SNX13: variants seen among roughly 807,000 people sequenced by gnomAD.
SNX13 encodes the protein sorting nexin-13.
A neutral mutation model predicts 133.6 loss-of-function variants in SNX13; 45 were observed. The observed-to-expected ratio is 0.34, with a 90% confidence interval of 0.27 to 0.43. The LOEUF is 0.43. Among genes scored for constraint, SNX13 ranks in the 20% least tolerant of loss-of-function variants. SNX13 has a pLI of 1.00. For missense variants in SNX13, 1,032 were observed against 1,145.1 expected (o/e 0.90, Z 1.43); for synonymous variants, 414 against 373.9 (o/e 1.11, Z -1.24).
chr7:17,857,028 A>G (rs1319420986), intron 9 of SNX13, among the ~76,000 whole-genome samples: 3 of 152,070 alleles, frequency 2.0e-5, no homozygotes, highest in African/African-American at 4.8e-5. Flanking sequence ...GCACCAAAAA[A>G]AATACAATCA....
At position 17,868,455 on chromosome 7, in the gene SNX13, T is replaced by C; in HGVS notation, c.789A>G (p.Ile263Met). Reference sequence around the variant, plus strand: ...TATAATCAGGATCACTGAGTTGATTTATTAATGGAAGAAGAATTCCTCGTG... The same window carrying C: ...TATAATCAGGATCACTGAGTTGATTCATTAATGGAAGAAGAATTCCTCGTG... The part of the protein sequence containing the change: ...ILARGILLPL[I>M]NQLSDPDYIN... The change falls in exon 9 of 26, where the codon ATA (isoleucine) becomes ATG (methionine). Residue 263 changes from isoleucine (I) to methionine (M), a missense_variant. Ile to Met is a conservative substitution (Grantham distance 10). Coordinates refer to ENST00000428135, the MANE Select transcript of SNX13 (RefSeq NM_015132.5). 1 of 1,610,288 alleles carries C rather than the reference T, an allele frequency of 6.2e-7. No homozygotes were observed. Among genetic ancestry groups the C allele is most frequent in the South Asian group, 1.1e-5 (1 of 90,396 alleles).
At chr7:17,934,003 T>C (rs1350040600) in intron 1 of SNX13, among the ~76,000 whole-genome samples, 2 of 152,198 alleles carry the variant, frequency 1.3e-5, no homozygotes, top group East Asian at 3.9e-4. Flanking sequence ...AAATAAGTGA[T>C]AAAGTTGAGA....
intron 8 of SNX13, among the ~76,000 whole-genome samples, chr7:17,872,173 G>A (rs114892985): frequency 6.6e-6 from 1 of 152,306 alleles, no homozygotes; most frequent in African/African-American, 2.4e-5. Context: ...TAACGGATGA[G>A]CAAGAAAAAG....
intron 20 of SNX13, among the ~76,000 whole-genome samples, chr7:17,805,630 C>G (rs549028976): frequency 1.8e-4 from 27 of 152,296 alleles, no homozygotes; most frequent in African/African-American, 6.5e-4. Context: ...ATTTATACAT[C>G]TTACACTTCA....
rs1050950867 is a variant in SNX13 at position 17,850,922 on chromosome 7, T to C, written c.880A>G (p.Ile294Val). Residue 294 changes from isoleucine (I) to valine (V), a missense_variant, in exon 10 of 26, where the codon ATT becomes GTT. Physicochemically the swap from Ile to Val is conservative, Grantham distance 29. Coordinates refer to ENST00000428135, the MANE Select transcript of SNX13 (RefSeq NM_015132.5). ...TCTCCAATATTGTCACTCAATTTAA[T>C]AATGTTCATAAAGGCCTCATAGTTG... ...NCNYEAFMNI[I>V]KLSDNIGELE... 1.2e-6 allele frequency: 2 copies of C among 1,609,002 alleles called. No homozygotes were observed. The highest frequency in any genetic ancestry group is 2.7e-5 in the African/African-American group (2 of 74,596).
At chr7:17,824,342 G>T (rs1787634417) in intron 17 of SNX13, among the ~76,000 whole-genome samples, 1 of 152,072 alleles carries the variant, frequency 6.6e-6, no homozygotes, top group East Asian at 1.9e-4. Context: ...TCTTTCAGTA[G>T]CACTGGACTA....
At chr7:17,910,524 C>T (rs1798847801) in intron 1 of SNX13, among the ~76,000 whole-genome samples, 1 of 152,090 alleles carries the variant, frequency 6.6e-6, no homozygotes, top group Admixed American at 6.5e-5. Context: ...AAAAATTGAA[C>T]ACAGAATTAT....
At chr7:17,870,804 A>G (rs575199203) in intron 8 of SNX13, among the ~76,000 whole-genome samples, 6 of 152,318 alleles carry the variant, frequency 3.9e-5, no homozygotes, top group Non-Finnish European at 8.8e-5. Flanking sequence ...AGAGGTATCA[A>G]ATTAACAACC....
chr7:17,834,630 G>A, intron 14 of SNX13, 131 bp downstream of exon 14: 1 of 495,168 alleles, frequency 2.0e-6, no homozygotes, highest in Non-Finnish European at 3.5e-6. Flanking sequence ...CTGGAATTGA[G>A]AAGTATAATT....
At chr7:17,805,279 G>C (rs561595099) in intron 20 of SNX13, among the ~76,000 whole-genome samples, 2 of 148,936 alleles carry the variant, frequency 1.3e-5, no homozygotes, top group Admixed American at 1.3e-4. Flanking sequence ...GCATGCACAT[G>C]TGTAATTCTA....
At chr7:17,924,523 A>C (rs1221623135) in intron 1 of SNX13, among the ~76,000 whole-genome samples, 1 of 152,220 alleles carries the variant, frequency 6.6e-6, no homozygotes, top group East Asian at 1.9e-4. Context: ...GTAGAAATGT[A>C]AAATAGTGCA....
intron 19 of SNX13, among the ~76,000 whole-genome samples, chr7:17,815,971 T>C (rs1786607358): frequency 1.3e-5 from 2 of 152,192 alleles, no homozygotes; most frequent in Admixed American, 6.5e-5. Flanking sequence ...ATGGAGTGTC[T>C]AGAAAACTTC....
At chr7:17,814,967 GAA>G (rs1215336171) in intron 19 of SNX13, 23 bp from the exon 20 acceptor site, 18 of 1,291,612 alleles carry the variant, frequency 1.4e-5, no homozygotes, top group Non-Finnish European at 1.8e-5. Context: ...AAAAAAAAAA[GAA>G]GAGATTATCT....
intron 25 of SNX13, chr7:17,795,403 A>T (rs1039520788): frequency 1.1e-4 from 17 of 151,728 alleles, no homozygotes; most frequent in African/African-American, 3.9e-4. Flanking sequence ...TTACTAAAAA[A>T]TAGGCAAGGA....
At chr7:17,813,426 C>T (rs1008708012) in intron 20 of SNX13, among the ~76,000 whole-genome samples, 1 of 152,080 alleles carries the variant, frequency 6.6e-6, no homozygotes, top group African/African-American at 2.4e-5. Flanking sequence ...AAGGTCCACA[C>T]CCTAGAACTT....
At chr7:17,867,904 A>C (rs1419132983) in intron 9 of SNX13, among the ~76,000 whole-genome samples, 1 of 152,126 alleles carries the variant, frequency 6.6e-6, no homozygotes, top group Non-Finnish European at 1.5e-5. Flanking sequence ...CTTAGTAATA[A>C]CTAAGTCTTT....
intron 19 of SNX13, 144 bp from the exon 20 acceptor site, chr7:17,815,088 A>G (rs1041608220): frequency 1.0e-5 from 9 of 873,684 alleles, no homozygotes; most frequent in Non-Finnish European, 1.4e-5. Flanking sequence ...CCAATTATAC[A>G]GTTAGGATAA....
intron 5 of SNX13, among the ~76,000 whole-genome samples, chr7:17,884,931 C>A (rs980542850): frequency 6.6e-6 from 1 of 152,124 alleles, no homozygotes; most frequent in Non-Finnish European, 1.5e-5. Flanking sequence ...CAAAATACAG[C>A]CACTATGAAA....
At chr7:17,839,670 TACAG>T (rs1230001401) in intron 13 of SNX13, 133 bp downstream of exon 13, 6 of 642,028 alleles carry the variant, frequency 9.3e-6, no homozygotes, top group Non-Finnish European at 1.5e-5. Flanking sequence ...TAAACGAGGA[TACAG>T]ACAGACAGGA....
Sources: gnomAD v4.1 joint callset for allele counts (sites outside exome capture counted in the v4.1 genomes callset) on GRCh38, gnomAD v4.1.1 for gene constraint, MANE v1.5 for transcripts, NCBI Gene and HGNC (gene_info 2026-07-23, HGNC 2026-07-21) for gene names.